The following CHMP4B variants were observed in gnomAD, a reference collection of about 807,000 sequenced individuals.
CHMP4B encodes charged multivesicular body protein 4B.
A neutral mutation model predicts 25.1 loss-of-function variants in CHMP4B; 1 was observed. The observed-to-expected ratio is 0.04, with a 90% CI of 0.01 to 0.19. The LOEUF (loss-of-function observed/expected upper bound fraction) is 0.19. CHMP4B is among the 10% of genes least tolerant of loss of function. The probability of loss-of-function intolerance (pLI) is 1.00; values close to 1 mark genes in which losing one functional copy is unlikely to be tolerated. For missense variants in CHMP4B, 151 were observed against 289.7 expected (o/e 0.52, Z 3.48); for synonymous variants, 101 against 115.6 (o/e 0.87, Z 0.81).
chr20:33,831,240 A>G (rs1979240563), intron 1 of CHMP4B, among the ~76,000 whole-genome samples: 4 of 151,912 alleles, frequency 2.6e-5, no homozygotes, highest in African/African-American at 9.7e-5. Context: ...GATTACAGGC[A>G]CGTACCACCA....
At chr20:33,844,239 A>G (rs1379063590) in intron 1 of CHMP4B, among the ~76,000 whole-genome samples, 1 of 152,232 alleles carries the variant, frequency 6.6e-6, no homozygotes, top group Non-Finnish European at 1.5e-5. Flanking sequence ...TGTTTCAGTA[A>G]GACGTCAATT....
intron 1 of CHMP4B, among the ~76,000 whole-genome samples, chr20:33,830,933 G>GTTTTT (rs55917511): frequency 9.8e-6 from 1 of 102,524 alleles, no homozygotes; most frequent in African/African-American, 3.7e-5. Flanking sequence ...AAGGAACAGA[G>GTTTTT]TTTTTTTTTT....
intron 3 of CHMP4B, 116 bp downstream of exon 3, chr20:33,851,182 C>G: frequency 1.3e-6 from 1 of 758,700 alleles, no homozygotes; most frequent in Middle Eastern, 2.3e-4. Flanking sequence ...AGAGACAGGG[C>G]ATGGTGTTAA....
chr20:33,820,164 C>T (rs1978896896), intron 1 of CHMP4B, among the ~76,000 whole-genome samples: 2 of 151,506 alleles, frequency 1.3e-5, no homozygotes, highest in African/African-American at 2.4e-5. Flanking sequence ...GGCAACAGAG[C>T]GAGACTCTGT....
At chr20:33,812,778 C>G (rs1390411153) in intron 1 of CHMP4B, among the ~76,000 whole-genome samples, 2 of 152,132 alleles carry the variant, frequency 1.3e-5, no homozygotes, top group African/African-American at 4.8e-5. Flanking sequence ...TTACAGTGCT[C>G]AGCACATAGT....
At chr20:33,847,041 G>C (rs1313238250) in intron 1 of CHMP4B, among the ~76,000 whole-genome samples, 2 of 152,106 alleles carry the variant, frequency 1.3e-5, no homozygotes, top group African/African-American at 4.8e-5. Context: ...CAAAATATGA[G>C]ACTTGAAGAA....
chr20:33,851,964 G>A (rs550994010), intron 3 of CHMP4B, 113 bp from the exon 4 acceptor site: 91 of 1,416,336 alleles, frequency 6.4e-5, no homozygotes, highest in Non-Finnish European at 8.8e-5. Flanking sequence ...TCACCTCCCC[G>A]CAGACCTTCT....
At chr20:33,825,279 C>G (rs1979064649) in intron 1 of CHMP4B, among the ~76,000 whole-genome samples, 1 of 152,046 alleles carries the variant, frequency 6.6e-6, no homozygotes, top group Non-Finnish European at 1.5e-5. Flanking sequence ...CACTATATAC[C>G]CACCGTCTTT....
At chr20:33,825,015 G>T (rs147541050) in intron 1 of CHMP4B, among the ~76,000 whole-genome samples, 1 of 152,146 alleles carries the variant, frequency 6.6e-6, no homozygotes, top group African/African-American at 2.4e-5. Flanking sequence ...TTGTTGTTCT[G>T]CTGGGGAAAC....
intron 3 of CHMP4B, among the ~76,000 whole-genome samples, chr20:33,851,484 C>T (rs1201103219): frequency 4.6e-5 from 7 of 152,024 alleles, no homozygotes; most frequent in Admixed American, 2.6e-4. Flanking sequence ...GTCTAGATCT[C>T]GGCCATCTGC....
At chr20:33,824,325 A>T (rs964687088) in intron 1 of CHMP4B, among the ~76,000 whole-genome samples, 3 of 152,170 alleles carry the variant, frequency 2.0e-5, no homozygotes, top group Non-Finnish European at 4.4e-5. Flanking sequence ...CACTCTGTGC[A>T]TCCACCCTGG....
intron 1 of CHMP4B, among the ~76,000 whole-genome samples, chr20:33,830,045 C>G (rs2077810740): frequency 6.6e-6 from 1 of 152,238 alleles, no homozygotes; most frequent in African/African-American, 2.4e-5. Flanking sequence ...TTGACCAGAT[C>G]TGACTGGCAG....
intron 1 of CHMP4B, among the ~76,000 whole-genome samples, chr20:33,843,851 C>T (rs1419821476): frequency 1.3e-5 from 2 of 152,256 alleles, no homozygotes; most frequent in Non-Finnish European, 2.9e-5. Flanking sequence ...AGCCCAGATG[C>T]TGACCCCATG....
intron 1 of CHMP4B, among the ~76,000 whole-genome samples, chr20:33,815,610 C>G (rs1978762003): frequency 6.6e-6 from 1 of 152,152 alleles, no homozygotes; most frequent in African/African-American, 2.4e-5. Flanking sequence ...ACTGTGAGGT[C>G]CATGAAGTAA....
At chr20:33,852,278 G>A (rs1425052040) in intron 4 of CHMP4B, 75 bp downstream of exon 4, 2 of 1,575,098 alleles carry the variant, frequency 1.3e-6, no homozygotes, top group African/African-American at 1.4e-5. Context: ...GCTTTGGTTT[G>A]TGGTCGGTTG....
intron 3 of CHMP4B, 77 bp from the exon 4 acceptor site, chr20:33,852,000 A>T: frequency 4.4e-6 from 7 of 1,592,998 alleles, no homozygotes; most frequent in Non-Finnish European, 6.0e-6. Context: ...CTCCATGAGC[A>T]TTAATTAGGT....
chr20:33,841,875 T>C (rs1376269854), intron 1 of CHMP4B, among the ~76,000 whole-genome samples: 1 of 152,212 alleles, frequency 6.6e-6, no homozygotes, highest in Non-Finnish European at 1.5e-5. Flanking sequence ...GTTTTCCTTA[T>C]GGCACGGGGA....
intron 1 of CHMP4B, among the ~76,000 whole-genome samples, chr20:33,824,810 T>C (rs1979046246): frequency 7.0e-6 from 1 of 143,390 alleles, no homozygotes; most frequent in Admixed American, 7.1e-5. Context: ...AACAAAAATG[T>C]CTCCAGATAT....
At chr20:33,852,615 T>C (rs1253703992) in intron 4 of CHMP4B, among the ~76,000 whole-genome samples, 1 of 152,120 alleles carries the variant, frequency 6.6e-6, no homozygotes, top group Non-Finnish European at 1.5e-5. Context: ...TTGGTAGGGG[T>C]TGGGAGGATC....
Sources: allele counts gnomAD v4.1 joint callset (sites outside exome capture counted in the v4.1 genomes callset), GRCh38; gene constraint gnomAD v4.1.1; transcripts MANE v1.5; gene names NCBI Gene and HGNC (gene_info 2026-07-23, HGNC 2026-07-21).